The following CKAP2L variants were observed in gnomAD, a reference collection of about 807,000 sequenced individuals.
CKAP2L encodes the protein cytoskeleton associated protein 2L.
In CKAP2L, 42 loss-of-function variants were observed where a neutral mutation model predicts 65.7. The ratio of observed to expected loss-of-function variants is 0.64; its 90% CI spans 0.50 to 0.83. The LOEUF (loss-of-function observed/expected upper bound fraction) is 0.83. CKAP2L is among the 40% of genes least tolerant of loss of function. The pLI is 0.00. For synonymous variants in CKAP2L, 325 were observed against 313.5 expected (o/e 1.04, Z -0.39); for missense variants, 908 against 871.0 (o/e 1.04, Z -0.53).
chr2:112,755,258 T>G (rs1680494321), intron 4 of CKAP2L, among the ~76,000 whole-genome samples: 1 of 152,196 alleles, frequency 6.6e-6, no homozygotes, highest in Admixed American at 6.5e-5. Flanking sequence ...TTTTAATCAA[T>G]GTATGTTAAT....
Position 112,740,970 on chromosome 2 carries a change from T to C in CKAP2L, c.1860A>G (p.Ile620Met). Reference sequence around the variant, plus strand: ...TCTTGGCCAGCTCTTCCACTGATGTTATACTAGTTTCAGCAACTAAAGAGT... The same window carrying C: ...TCTTGGCCAGCTCTTCCACTGATGTCATACTAGTTTCAGCAACTAAAGAGT... ...TSDSLVAETS[I>M]TSVEELAKKM... Residue 620 changes from isoleucine (I) to methionine (M), a missense_variant, in exon 8 of 9, where the codon ATA becomes ATG. By Grantham distance (10) the Ile-to-Met change is conservative (BLOSUM62 1). Coordinates refer to ENST00000302450, the MANE Select transcript of CKAP2L (RefSeq NM_152515.5). The C allele has an allele frequency of 6.2e-7, 1 of 1,613,816 alleles. No homozygotes were observed.
chr2:112,763,697 G>C (rs142218286), intron 1 of CKAP2L: 3 of 152,326 alleles, frequency 2.0e-5, no homozygotes, highest in Non-Finnish European at 4.4e-5. Context: ...GGTGCCAAAC[G>C]ACTCTTAACC....
rs374276125 is a variant in CKAP2L, at chr2:112,752,221, A to G, written c.1602+46T>C. The stretch of plus-strand genomic sequence containing the variant: ...ATATTTAGGAATATGTTTAAAAATT[A>G]TAAGACTTTGGGCCAAAGCTGGAGG... On this transcript the variant is annotated intron_variant, in intron 5 of 8. Coordinates refer to ENST00000302450, the MANE Select transcript of CKAP2L (RefSeq NM_152515.5). 1.4e-5 allele frequency: 19 copies of G among 1,401,110 alleles called. No homozygotes were observed. In the African/African-American group the frequency reaches 1.6e-4, roughly 12 times the overall value. The allele number at this position is 1,401,110 out of a possible 1,614,324, so 86.8% of individuals were successfully genotyped here. A position where few individuals can be genotyped will look rare whatever the true frequency, so the allele number is the denominator to read the frequency against.
intron 7 of CKAP2L, among the ~76,000 whole-genome samples, chr2:112,741,884 CTGAG>C (rs1269921552): frequency 6.6e-6 from 1 of 151,436 alleles, no homozygotes; most frequent in African/African-American, 2.4e-5. Flanking sequence ...CCTCAGCCTC[CTGAG>C]TATCTGGGAT....
In CKAP2L at chr2:112,761,460, CAAAAAAA is replaced by C. The variant is rs1182818451; in HGVS notation, c.105-703_105-697del. Among the ~76,000 whole-genome samples, 5 of 26,394 alleles carry C rather than the reference CAAAAAAA, an allele frequency of 1.9e-4. No individual in the cohort carries two copies. In the East Asian group the frequency reaches 3.2e-3, roughly 17 times the overall value. 17.3% of individuals were successfully genotyped at this position (26,394 alleles called of 152,430 possible). ...TGGGCAACAGAGTGAGACTCCGTCT[CAAAAAAA>C]AAAAAAAAAAAAAAAAAAATTTCCT... On this transcript the variant is annotated intron_variant, in intron 2 of 8. Coordinates refer to ENST00000302450, the MANE Select transcript of CKAP2L (RefSeq NM_152515.5).
chr2:112,763,168 C>T (rs76638514), intron 1 of CKAP2L, among the ~76,000 whole-genome samples: 2 of 152,204 alleles, frequency 1.3e-5, no homozygotes, highest in African/African-American at 4.8e-5. Context: ...AAATGTCATG[C>T]CCAAAGTTAC....
At position 112,744,023 on chromosome 2, in the gene CKAP2L, C is replaced by T. The variant is rs779105349; in HGVS notation, c.1759-1254G>A. On this transcript the variant is annotated intron_variant, in intron 6 of 8. Transcript: ENST00000302450. ...AAGCATAAAAGCAAAGCTTTCCGTA[C>T]ATTTTTTCAAAATCCAAAATAGAAT... 3.6e-4 allele frequency among the ~76,000 whole-genome samples: 55 copies of T among 152,218 alleles called. 1 individual carries two copies. The Middle Eastern group carries it at 0.01, about 28-fold the overall frequency.
In CKAP2L at chr2:112,756,665, C is replaced by G; in HGVS notation, c.706G>C (p.Val236Leu). ...TGTTTATTAACCCTATCTTTCAGAA[C>G]AGCACTATTAACTGAACTTTTGCCC... is the stretch of plus-strand genomic sequence containing the variant. ...ALGKSSVNSAVLKDRVNKQFV... is the reference protein window; with the variant it reads ...ALGKSSVNSALLKDRVNKQFV... The change falls in exon 4 of 9, where the codon GTT (valine) becomes CTT (leucine). Residue 236 changes from valine to leucine, a missense_variant. Transcript: ENST00000302450. 1 of 1,601,944 alleles carries G rather than the reference C, an allele frequency of 6.2e-7. No homozygotes were observed. Among genetic ancestry groups the G allele is most frequent in the Non-Finnish European group, 8.5e-7 (1 of 1,175,740 alleles).
At chr2:112,746,953 C>T (rs796470889) in intron 5 of CKAP2L, among the ~76,000 whole-genome samples, 1 of 151,962 alleles carries the variant, frequency 6.6e-6, no homozygotes, top group African/African-American at 2.4e-5. Flanking sequence ...ACATGCTCGG[C>T]TAATTTTTTG....
Position 112,746,584 on chromosome 2 carries a change from A to C in CKAP2L, c.1603-9T>G. 6.3e-7 allele frequency: 1 copy of C among 1,595,080 alleles called. No homozygotes were observed. The highest frequency in any genetic ancestry group is 8.6e-7 in the Non-Finnish European group (1 of 1,165,234). On this transcript the variant is annotated splice_polypyrimidine_tract_variant and intron_variant, in intron 5 of 8. Transcript: ENST00000302450. ...TCATTAGAAGGTACACCCTGAAATAAACCAAAATATCCAGAGGTAATTATT... is the reference window on the plus strand; with the variant it reads ...TCATTAGAAGGTACACCCTGAAATACACCAAAATATCCAGAGGTAATTATT...
At chr2:112,739,727 T>C (rs1245756268) in intron 8 of CKAP2L, among the ~76,000 whole-genome samples, 1 of 152,068 alleles carries the variant, frequency 6.6e-6, no homozygotes, top group Non-Finnish European at 1.5e-5. Flanking sequence ...CAATCACAGC[T>C]CACTACAGCC....
chr2:112,746,581 A>G lies in CKAP2L; in HGVS notation c.1603-6T>C. ...ATTTCATTAGAAGGTACACCCTGAA[A>G]TAAACCAAAATATCCAGAGGTAATT... On this transcript the variant is annotated splice_region_variant and splice_polypyrimidine_tract_variant and intron_variant, in intron 5 of 8. Coordinates refer to ENST00000302450, the MANE Select transcript of CKAP2L (RefSeq NM_152515.5). The G allele has an allele frequency of 6.3e-7, 1 of 1,595,076 alleles. No homozygotes were observed.
rs953257236 is a variant in CKAP2L at position 112,737,585 on chromosome 2, T to C, written c.*1238A>G. 3 of 152,324 alleles carry C rather than the reference T, an allele frequency of 2.0e-5. No individual in the cohort carries two copies. The highest frequency in any genetic ancestry group is 1.9e-4 in the East Asian group (1 of 5,186). The allele number at this position is 152,324 out of a possible 1,614,324, so 9.4% of individuals were successfully genotyped here. ...TTTTTAATTATTAGTTTTTCCACAA[T>C]TGAGTTGTAAGAGTCTCTTATTGAA... On this transcript the variant is annotated 3_prime_UTR_variant, in exon 9 of 9. Transcript: ENST00000302450.
At chr2:112,759,151 T>C (rs1204219338) in intron 3 of CKAP2L, among the ~76,000 whole-genome samples, 1 of 152,242 alleles carries the variant, frequency 6.6e-6, no homozygotes, top group Non-Finnish European at 1.5e-5. Context: ...ATAGTAAAAG[T>C]ATCTATTATC....
intron 5 of CKAP2L, among the ~76,000 whole-genome samples, chr2:112,751,121 A>AT (rs1480190795): frequency 6.6e-6 from 1 of 152,226 alleles, no homozygotes; most frequent in Non-Finnish European, 1.5e-5. Context: ...GGTCCAGATG[A>AT]TTTTTATGGG....
In CKAP2L at chr2:112,752,358, A is replaced by G. The variant is rs374262448; in HGVS notation, c.1511T>C (p.Ile504Thr). The G allele has an allele frequency of 1.2e-6, 2 of 1,613,236 alleles. No homozygotes were observed. The highest frequency in any genetic ancestry group is 2.7e-5 in the African/African-American group (2 of 74,860). The change falls in exon 5 of 9, where the codon ATT (isoleucine) becomes ACT (threonine). Residue 504 changes from isoleucine (I) to threonine (T), a missense_variant. Ile to Thr is a moderately conservative substitution (Grantham distance 89). Coordinates refer to ENST00000302450, the MANE Select transcript of CKAP2L (RefSeq NM_152515.5). ...TTTCTTTTCTTCCTCTTCTTTTTCA[A>G]TGCTCTTCCAGAATGAAATATTCAT... The part of the protein sequence containing the change: ...KEMNISFWKS[I>T]EKEEEEKKAQ...
chr2:112,749,625 T>G (rs1195523487), intron 5 of CKAP2L, among the ~76,000 whole-genome samples: 1 of 151,630 alleles, frequency 6.6e-6, no homozygotes, highest in Non-Finnish European at 1.5e-5. Context: ...AAAAAAAATC[T>G]ACACATCTGG....
chr2:112,763,356 T>C (rs74900323), intron 1 of CKAP2L, among the ~76,000 whole-genome samples: 7,598 of 152,188 alleles, frequency 0.05, 206 homozygotes, highest in African/African-American at 0.073. Flanking sequence ...TGATGATTTT[T>C]ACCCACAAAC....
chr2:112,758,297 C>G (rs193188291), intron 3 of CKAP2L, among the ~76,000 whole-genome samples: 4 of 152,286 alleles, frequency 2.6e-5, no homozygotes, highest in Admixed American at 2.6e-4. Context: ...CTGAGCATCT[C>G]TCATGAAAGC....
Sources: allele counts gnomAD v4.1 joint callset (sites outside exome capture counted in the v4.1 genomes callset), GRCh38; gene constraint gnomAD v4.1.1; transcripts MANE v1.5; gene names NCBI Gene and HGNC (gene_info 2026-07-23, HGNC 2026-07-21).